ABHD18: variants seen among roughly 807,000 people sequenced by gnomAD.
The protein encoded by ABHD18 is abhydrolase domain containing 18.
ABHD18 carries 55 observed loss-of-function variants against 65.9 expected under a neutral mutation model. The ratio of observed to expected loss-of-function variants is 0.84; its 90% CI spans 0.67 to 1.05. The LOEUF (loss-of-function observed/expected upper bound fraction) is 1.05. Among genes scored for constraint, ABHD18 ranks in the 50% least tolerant of loss-of-function variants. The pLI is 0.00. For missense variants in ABHD18, 533 were observed against 558.5 expected, an observed-to-expected ratio of 0.95 and a Z score of 0.46; for synonymous variants, 181 against 180.2, an observed-to-expected ratio of 1.00 and a Z score of -0.04.
intron 3 of ABHD18, among the ~76,000 whole-genome samples, chr4:127,985,972 G>A (rs944235418): frequency 1.3e-5 from 2 of 152,006 alleles, no homozygotes; most frequent in South Asian, 2.1e-4. Flanking sequence ...CCAAGATCGC[G>A]CCACAGCACT....
At chr4:128,030,862 T>C in intron 12 of ABHD18, 190 bp downstream of exon 12, 1 of 1,350,718 alleles carries the variant, frequency 7.4e-7, no homozygotes, top group Non-Finnish European at 9.4e-7. Context: ...TATTTTCTTC[T>C]AGAGAACTAA....
intron 3 of ABHD18, among the ~76,000 whole-genome samples, chr4:127,985,868 A>G (rs2149077636): frequency 6.6e-6 from 1 of 152,208 alleles, no homozygotes; most frequent in East Asian, 1.9e-4. Flanking sequence ...TTAGCTGGGC[A>G]TGGTGGCACA....
rs565622117 is a variant in ABHD18, at chr4:127,974,201, T to G, written c.-18+8595T>G. Among the ~76,000 whole-genome samples the G allele has an allele frequency of 5.5e-3, 798 of 144,750 alleles. 16 individuals are homozygous for G. The highest frequency in any genetic ancestry group is 0.019 in the African/African-American group (749 of 39,000). The allele number at this position is 144,750 out of a possible 152,430, so 95.0% of individuals were successfully genotyped here. On this transcript the variant is annotated intron_variant, in intron 1 of 12. Coordinates refer to ENST00000645843, the MANE Select transcript of ABHD18 (RefSeq NM_001358451.3). ...ACCTTAAGTTCTGTTTTTTTTTTTT[T>G]TTTTTTTTTTTTTTGAGACAGAGTC... is the stretch of plus-strand genomic sequence containing the variant.
At chr4:128,028,883 T>C (rs1049802479) in intron 11 of ABHD18, 30 bp downstream of exon 11, 2 of 1,462,614 alleles carry the variant, frequency 1.4e-6, no homozygotes, top group African/African-American at 2.8e-5. Flanking sequence ...ATTGAGAATA[T>C]TTGCTGATGT....
intron 7 of ABHD18, among the ~76,000 whole-genome samples, chr4:128,015,808 A>G (rs1006225650): frequency 6.6e-6 from 1 of 152,188 alleles, no homozygotes; most frequent in Non-Finnish European, 1.5e-5. Context: ...GCAAGGTTTC[A>G]TTCAATAACC....
At chr4:128,029,700 C>T (rs1160138708) in intron 11 of ABHD18, among the ~76,000 whole-genome samples, 1 of 152,032 alleles carries the variant, frequency 6.6e-6, no homozygotes, top group East Asian at 1.9e-4. Context: ...TGGTGTGTGC[C>T]TGTAATCCCA....
At position 127,965,450 on chromosome 4, in the gene ABHD18, T is replaced by A. The variant is rs1372399274; in HGVS notation, c.-174T>A. Reference sequence around the variant, plus strand: ...CTCCGGGTTTGTCTTCCTCCCTCCGTTTCTCCTTCCGCTGTATCTAGCATT... The same window carrying A: ...CTCCGGGTTTGTCTTCCTCCCTCCGATTCTCCTTCCGCTGTATCTAGCATT... On this transcript the variant is annotated 5_prime_UTR_variant, in exon 1 of 13. Transcript: ENST00000645843. 2.0e-6 allele frequency: 1 copy of A among 510,290 alleles called. No homozygotes were observed. The highest frequency in any genetic ancestry group is 3.6e-6 in the Non-Finnish European group (1 of 279,406). The allele number at this position is 510,290 out of a possible 1,614,324, so 31.6% of individuals were successfully genotyped here. A position where few individuals can be genotyped will look rare whatever the true frequency, so the allele number is the denominator to read the frequency against.
intron 8 of ABHD18, among the ~76,000 whole-genome samples, chr4:128,019,489 T>C (rs1263811320): frequency 6.6e-6 from 1 of 152,206 alleles, no homozygotes; most frequent in African/African-American, 2.4e-5. Flanking sequence ...CTATCTTTCA[T>C]TCCTCTAGAA....
At chr4:128,011,025 A>G (rs950913536) in intron 6 of ABHD18, among the ~76,000 whole-genome samples, 2 of 152,166 alleles carry the variant, frequency 1.3e-5, no homozygotes, top group African/African-American at 4.8e-5. Context: ...TTTCTATAAT[A>G]AAAATTTTAT....
Position 128,037,012 on chromosome 4 carries a change from A to T in ABHD18, c.*1199A>T, listed in dbSNP as rs1193136827. On this transcript the variant is annotated 3_prime_UTR_variant, in exon 13 of 13. Transcript: ENST00000645843. Reference sequence around the variant, plus strand: ...CGTGTGCCTGTAATCCCAGCTACTCAGGAGGCTGAGGCAGGAGAATTGGTT... The same window carrying T: ...CGTGTGCCTGTAATCCCAGCTACTCTGGAGGCTGAGGCAGGAGAATTGGTT... 3 of 149,302 alleles carry T rather than the reference A, an allele frequency of 2.0e-5. No homozygotes were observed. The highest frequency in any genetic ancestry group is 4.4e-5 in the Non-Finnish European group (3 of 67,652). 9.2% of individuals were successfully genotyped at this position (149,302 alleles called of 1,614,324 possible). A position where few individuals can be genotyped will look rare whatever the true frequency, so the allele number is the denominator to read the frequency against.
At chr4:128,023,870 C>T (rs538408622) in intron 10 of ABHD18, among the ~76,000 whole-genome samples, 41 of 152,162 alleles carry the variant, frequency 2.7e-4, no homozygotes, top group South Asian at 1.9e-3. Context: ...GGCAACAGAG[C>T]GAGACTCCGT....
At chr4:128,002,395 T>G (rs1282928415) in intron 4 of ABHD18, among the ~76,000 whole-genome samples, 1 of 151,814 alleles carries the variant, frequency 6.6e-6, no homozygotes, top group Non-Finnish European at 1.5e-5. Context: ...TTCTCCTGCC[T>G]CAGTCTCCCA....
chr4:128,033,738 A>G (rs1022310316), intron 12 of ABHD18, among the ~76,000 whole-genome samples: 1 of 151,302 alleles, frequency 6.6e-6, no homozygotes, highest in Non-Finnish European at 1.5e-5. Context: ...GGGTTTCACC[A>G]TGTTAGCCAG....
chr4:128,011,617 A>T, intron 6 of ABHD18, 56 bp from the exon 7 acceptor site: 3 of 1,403,848 alleles, frequency 2.1e-6, no homozygotes, highest in Non-Finnish European at 2.9e-6. Flanking sequence ...ATGTACTCTC[A>T]GACAAACAAA....
chr4:127,982,537 G>A (rs1749241752), intron 1 of ABHD18, among the ~76,000 whole-genome samples: 1 of 152,118 alleles, frequency 6.6e-6, no homozygotes, highest in Non-Finnish European at 1.5e-5. Flanking sequence ...GTGTAATTGG[G>A]ATAATAAATC....
At chr4:128,028,430 C>T (rs1370914508) in intron 10 of ABHD18, 45 bp from the exon 11 acceptor site, 4 of 1,348,658 alleles carry the variant, frequency 3.0e-6, no homozygotes, top group East Asian at 2.7e-5. Context: ...CTGTTAATAC[C>T]CTATTTTATA....
At chr4:128,015,117 C>T (rs984700571) in intron 7 of ABHD18, among the ~76,000 whole-genome samples, 1 of 151,268 alleles carries the variant, frequency 6.6e-6, no homozygotes, top group Non-Finnish European at 1.5e-5. Context: ...TGATGGTGCA[C>T]ACCTGTAGTC....
chr4:128,021,407 T>G (rs1361188402), intron 10 of ABHD18, among the ~76,000 whole-genome samples, 169 bp downstream of exon 10: 1 of 152,226 alleles, frequency 6.6e-6, no homozygotes, highest in Non-Finnish European at 1.5e-5. Flanking sequence ...GTCACACCTG[T>G]AACCCCAGCA....
intron 2 of ABHD18, among the ~76,000 whole-genome samples, chr4:127,983,926 C>A (rs1749506252): frequency 6.6e-6 from 1 of 152,074 alleles, no homozygotes; most frequent in Non-Finnish European, 1.5e-5. Context: ...GTAATCCCAG[C>A]TACTCGGGAG....
Sources: allele counts gnomAD v4.1 joint callset (sites outside exome capture counted in the v4.1 genomes callset), GRCh38; gene constraint gnomAD v4.1.1; transcripts MANE v1.5; gene names NCBI Gene and HGNC (gene_info 2026-07-23, HGNC 2026-07-21).